Variants in CNTN5 observed in about 807,000 individuals in gnomAD.
CNTN5 encodes the protein contactin 5, also known as contactin-5.
A neutral mutation model predicts 129.1 loss-of-function variants in CNTN5; 77 were observed. The observed-to-expected ratio is 0.60, with a 90% CI of 0.50 to 0.72. CNTN5 has a LOEUF of 0.72. Ranked by LOEUF, CNTN5 falls within the 30% of genes least tolerant of loss-of-function variation. CNTN5 has a pLI of 0.00. For missense variants in CNTN5, 1,478 were observed against 1,328.8 expected, an observed-to-expected ratio of 1.11 and a Z score of -1.75; for synonymous variants, 509 against 465.6, an observed-to-expected ratio of 1.09 and a Z score of -1.20.
At chr11:99,889,338 G>T (rs936730019) in intron 6 of CNTN5, among the ~76,000 whole-genome samples, 1 of 118,476 alleles carries the variant, frequency 8.4e-6, no homozygotes, top group Non-Finnish European at 1.9e-5. Context: ...GTGTGTGTGT[G>T]TGTGTGTGTG....
At chr11:99,786,110 C>T (rs934237512) in intron 3 of CNTN5, among the ~76,000 whole-genome samples, 5 of 151,946 alleles carry the variant, frequency 3.3e-5, no homozygotes, top group Non-Finnish European at 5.9e-5. Flanking sequence ...AAAACCCCGT[C>T]GTCTCAGCCC....
intron 1 of CNTN5, among the ~76,000 whole-genome samples, chr11:99,192,672 A>T (rs1387831773): frequency 6.6e-6 from 1 of 152,092 alleles, no homozygotes; most frequent in Non-Finnish European, 1.5e-5. Context: ...CATGCTACAA[A>T]CAAAACCAAC....
intron 1 of CNTN5, among the ~76,000 whole-genome samples, chr11:99,153,855 T>G (rs1012574158): frequency 4.2e-5 from 6 of 144,404 alleles, no homozygotes; most frequent in Non-Finnish European, 6.0e-5. Flanking sequence ...CCTTTGATGC[T>G]CTTATTTGGT....
intron 13 of CNTN5, among the ~76,000 whole-genome samples, chr11:100,180,352 T>C (rs1463694098): frequency 6.6e-6 from 1 of 151,886 alleles, no homozygotes; most frequent in Non-Finnish European, 1.5e-5. Flanking sequence ...AAAAAAGTAA[T>C]TCAATGGAAA....
At chr11:99,233,919 T>C (rs1456787418) in intron 1 of CNTN5, among the ~76,000 whole-genome samples, 1 of 152,028 alleles carries the variant, frequency 6.6e-6, no homozygotes, top group Non-Finnish European at 1.5e-5. Flanking sequence ...GCACTCCAGA[T>C]TGAGCAGCAG....
chr11:99,426,146 T>A (rs886821548), intron 2 of CNTN5, among the ~76,000 whole-genome samples: 1 of 152,206 alleles, frequency 6.6e-6, no homozygotes, highest in African/African-American at 2.4e-5. Context: ...GATTTTATTA[T>A]ACCAAAAATC....
At chr11:99,418,990 T>C (rs930242835) in intron 2 of CNTN5, among the ~76,000 whole-genome samples, 2 of 152,204 alleles carry the variant, frequency 1.3e-5, no homozygotes, top group Non-Finnish European at 2.9e-5. Context: ...TGCCTTCTAA[T>C]ACTCAGTGTC....
chr11:100,242,940 G>C (rs944150364), intron 16 of CNTN5, among the ~76,000 whole-genome samples: 15 of 152,228 alleles, frequency 9.9e-5, no homozygotes, highest in Non-Finnish European at 2.1e-4. Context: ...TGTCATGTCT[G>C]ATAACTTGTC....
Position 99,707,173 on chromosome 11 carries a change from C to CT in CNTN5, c.56-112362dup, listed in dbSNP as rs1289310626. ...TGTGCATTCAGAATCAGTTTATGGT[C>CT]TTTTTTTTTCTATTGGTCAAGTAAA... On this transcript the variant is annotated intron_variant, in intron 3 of 24. Transcript: ENST00000524871. Among the ~76,000 whole-genome samples, 17 of 150,598 alleles carry CT rather than the reference C, an allele frequency of 1.1e-4. No individual in the cohort carries two copies. The East Asian group carries it at 1.2e-3, about 10-fold the overall frequency.
At chr11:99,629,739 C>T (rs1951270884) in intron 3 of CNTN5, among the ~76,000 whole-genome samples, 1 of 151,620 alleles carries the variant, frequency 6.6e-6, no homozygotes, top group Admixed American at 6.6e-5. Context: ...TTGCTAGGTT[C>T]CGTAAAAATA....
intron 3 of CNTN5, among the ~76,000 whole-genome samples, chr11:99,812,015 G>A (rs11221482): frequency 0.12 from 18,417 of 152,036 alleles, 1,654 homozygotes; most frequent in East Asian, 0.43. Flanking sequence ...CCTGTATGAT[G>A]GGAGAATAAA....
At chr11:99,483,492 A>T (rs1945685433) in intron 2 of CNTN5, among the ~76,000 whole-genome samples, 1 of 152,128 alleles carries the variant, frequency 6.6e-6, no homozygotes, top group Non-Finnish European at 1.5e-5. Context: ...CTTAGTGCAC[A>T]TTCTTGAGCC....
At chr11:100,322,283 C>A (rs1951711222) in intron 21 of CNTN5, among the ~76,000 whole-genome samples, 1 of 151,478 alleles carries the variant, frequency 6.6e-6, no homozygotes, top group Non-Finnish European at 1.5e-5. Flanking sequence ...AGTGCAGTGG[C>A]GCGATCTCAG....
intron 2 of CNTN5, among the ~76,000 whole-genome samples, chr11:99,420,778 G>T (rs1942853663): frequency 6.6e-6 from 1 of 152,140 alleles, no homozygotes; most frequent in Admixed American, 6.5e-5. Flanking sequence ...GAAAATATGG[G>T]CAAGATAGAC....
At chr11:99,760,773 T>A (rs1944552297) in intron 3 of CNTN5, among the ~76,000 whole-genome samples, 1 of 152,072 alleles carries the variant, frequency 6.6e-6, no homozygotes, top group African/African-American at 2.4e-5. Flanking sequence ...CTATGTCTGG[T>A]TCATATAAAA....
At chr11:99,720,709 T>G (rs908843105) in intron 3 of CNTN5, among the ~76,000 whole-genome samples, 4 of 152,142 alleles carry the variant, frequency 2.6e-5, no homozygotes, top group African/African-American at 4.8e-5. Flanking sequence ...AGCCAAACTA[T>G]TTCATTTTGC....
At chr11:100,163,309 T>C (rs556674219) in intron 13 of CNTN5, among the ~76,000 whole-genome samples, 2 of 151,936 alleles carry the variant, frequency 1.3e-5, no homozygotes, top group South Asian at 2.1e-4. Flanking sequence ...ATATACATAT[T>C]TAAACTTGTT....
At chr11:99,587,750 A>T (rs1949845966) in intron 3 of CNTN5, among the ~76,000 whole-genome samples, 1 of 39,066 alleles carries the variant, frequency 2.6e-5, no homozygotes, top group South Asian at 1.6e-3. Flanking sequence ...CTAGTAGCAG[A>T]GTTCTCTCTT....
chr11:99,469,599 T>C (rs2726386), intron 2 of CNTN5, among the ~76,000 whole-genome samples: 149,793 of 152,212 alleles, frequency 0.98, 73,762 homozygotes, highest in East Asian at 1. Context: ...ATGCACGTTG[T>C]ATGCATACTA....
Sources: gnomAD v4.1 joint callset for allele counts (sites outside exome capture counted in the v4.1 genomes callset) on GRCh38, gnomAD v4.1.1 for gene constraint, MANE v1.5 for transcripts, NCBI Gene and HGNC (gene_info 2026-07-23, HGNC 2026-07-21) for gene names.